The following ERBB4 variants were observed in gnomAD, a reference collection of about 807,000 sequenced individuals.
ERBB4 encodes the protein erb-b2 receptor tyrosine kinase 4, also known as receptor tyrosine-protein kinase erbB-4.
Under a neutral mutation model 158.0 loss-of-function variants are expected in ERBB4, and 42 were observed. The observed-to-expected ratio is 0.27, with a 90% CI of 0.21 to 0.34. ERBB4 has a LOEUF of 0.34. ERBB4 is among the 10% of genes least tolerant of loss of function. The probability of loss-of-function intolerance (pLI) is 1.00; values close to 1 mark genes in which losing one functional copy is unlikely to be tolerated. For synonymous variants in ERBB4, 583 were observed against 558.7 expected (o/e 1.04, Z -0.61); for missense variants, 1,333 against 1,624.1 (o/e 0.82, Z 3.08).
intron 1 of ERBB4, among the ~76,000 whole-genome samples, chr2:212,468,020 C>T (rs973554853): frequency 6.6e-6 from 1 of 152,156 alleles, no homozygotes; most frequent in Non-Finnish European, 1.5e-5. Context: ...TCTGGATATG[C>T]CTGGGTCCTG....
rs554314381 is a variant in ERBB4, at chr2:212,034,382, C to T, written c.235-86766G>A. On this transcript the variant is annotated intron_variant, in intron 2 of 27. Transcript: ENST00000342788. ...AAGTCAATATGGCTTTATTAGCTGA[C>T]ATTTTGTTAGTTTTCTCTATTTTCT... 4.3e-4 allele frequency among the ~76,000 whole-genome samples: 66 copies of T among 151,916 alleles called. 1 individual carries two copies. The Middle Eastern group carries it at 0.017, about 39-fold the overall frequency.
intron 4 of ERBB4, among the ~76,000 whole-genome samples, chr2:211,782,189 A>C (rs992865560): frequency 6.6e-6 from 1 of 152,076 alleles, no homozygotes; most frequent in East Asian, 1.9e-4. Flanking sequence ...TTCCAGGTTC[A>C]TAAAACTTTC....
chr2:212,268,434 G>T (rs1262365194), intron 1 of ERBB4, among the ~76,000 whole-genome samples: 1 of 151,814 alleles, frequency 6.6e-6, no homozygotes, highest in East Asian at 1.9e-4. Context: ...TGGGACACAT[G>T]ACTTAATATA....
Position 211,382,253 on chromosome 2 carries a change from TCCTTAC to T in ERBB4, c.*1356_*1361del. On this transcript the variant is annotated 3_prime_UTR_variant, in exon 28 of 28. Transcript: ENST00000342788. ...AGAAATTCCATGGAATTCAAGCCAA[TCCTTAC>T]TCGCATTCCTTCTTACGAAGTATAC... 4.3e-6 allele frequency: 1 copy of T among 231,840 alleles called. No homozygotes were observed. Among genetic ancestry groups the T allele is most frequent in the Non-Finnish European group, 8.5e-6 (1 of 117,170 alleles). The allele number at this position is 231,840 out of a possible 1,614,324, so 14.4% of individuals were successfully genotyped here. A position where few individuals can be genotyped will look rare whatever the true frequency, so the allele number is the denominator to read the frequency against.
chr2:211,624,188 G>A (rs2069748140), intron 17 of ERBB4, 144 bp from the exon 18 acceptor site: 4 of 859,708 alleles, frequency 4.7e-6, no homozygotes, highest in East Asian at 5.1e-5. Flanking sequence ...CAATACCTTC[G>A]TAATATGCAC....
chr2:212,157,224 C>T (rs1351202195), intron 1 of ERBB4, among the ~76,000 whole-genome samples: 1 of 152,064 alleles, frequency 6.6e-6, no homozygotes, highest in Non-Finnish European at 1.5e-5. Flanking sequence ...CACATGCTTT[C>T]CCTCTGACTA....
chr2:211,772,954 TA>T (rs200491219), intron 4 of ERBB4, among the ~76,000 whole-genome samples: 1,199 of 96,420 alleles, frequency 0.012, 168 homozygotes, highest in African/African-American at 0.058. Flanking sequence ...TATATATATA[TA>T]TTTTTTTTTT....
At chr2:211,800,567 A>G (rs1201380754) in intron 3 of ERBB4, among the ~76,000 whole-genome samples, 2 of 151,876 alleles carry the variant, frequency 1.3e-5, no homozygotes, top group African/African-American at 4.8e-5. Flanking sequence ...ACTCACAGTA[A>G]TTTCCCTGAA....
chr2:212,031,333 C>G (rs1341542288), intron 2 of ERBB4, among the ~76,000 whole-genome samples: 1 of 152,102 alleles, frequency 6.6e-6, no homozygotes, highest in African/African-American at 2.4e-5. Flanking sequence ...TTTTATATAT[C>G]AACCTGTCAT....
At chr2:212,346,859 T>G (rs17347397) in intron 1 of ERBB4, among the ~76,000 whole-genome samples, 19,700 of 152,104 alleles carry the variant, frequency 0.13, 1,767 homozygotes, top group Non-Finnish European at 0.19. Flanking sequence ...TTAATAGACC[T>G]CAAAATGACT....
At chr2:211,854,445 A>T (rs545137439) in intron 3 of ERBB4, among the ~76,000 whole-genome samples, 1 of 152,270 alleles carries the variant, frequency 6.6e-6, no homozygotes, top group Non-Finnish European at 1.5e-5. Flanking sequence ...GATATAAAAC[A>T]CAGTCAGTGC....
chr2:212,536,194 C>G (rs1693048748), intron 1 of ERBB4, among the ~76,000 whole-genome samples: 1 of 152,068 alleles, frequency 6.6e-6, no homozygotes, highest in African/African-American at 2.4e-5. Flanking sequence ...CACACAGCCA[C>G]ACACATACAT....
intron 1 of ERBB4, among the ~76,000 whole-genome samples, chr2:212,207,740 T>A (rs2082809460): frequency 1.3e-5 from 2 of 151,396 alleles, no homozygotes; most frequent in African/African-American, 4.9e-5. Context: ...GCAAGACACT[T>A]GAACTCTCTA....
intron 2 of ERBB4, among the ~76,000 whole-genome samples, chr2:211,986,733 T>A (rs897734884): frequency 6.6e-6 from 1 of 152,176 alleles, no homozygotes; most frequent in Non-Finnish European, 1.5e-5. Context: ...TAGGTAACAC[T>A]TGCAAGCATC....
At chr2:211,691,334 T>G (rs1252669407) in intron 12 of ERBB4, among the ~76,000 whole-genome samples, 2 of 152,170 alleles carry the variant, frequency 1.3e-5, no homozygotes, top group Non-Finnish European at 2.9e-5. Context: ...ATACAGGGTC[T>G]GAGACATTAA....
At chr2:212,149,026 G>C (rs7607301) in intron 1 of ERBB4, among the ~76,000 whole-genome samples, 1 of 80,574 alleles carries the variant, frequency 1.2e-5, no homozygotes, top group Non-Finnish European at 2.4e-5. Flanking sequence ...GGGGTGGGGG[G>C]AGGGGGGAGG....
intron 2 of ERBB4, among the ~76,000 whole-genome samples, chr2:212,105,381 A>G (rs760328442): frequency 1.3e-5 from 2 of 152,208 alleles, no homozygotes; most frequent in Admixed American, 6.5e-5. Flanking sequence ...TTATGATTAT[A>G]TAAGAAGAAA....
chr2:211,461,047 A>C (rs2064516665), intron 20 of ERBB4, among the ~76,000 whole-genome samples: 1 of 151,546 alleles, frequency 6.6e-6, no homozygotes, highest in African/African-American at 2.4e-5. Flanking sequence ...GACAGCTAGC[A>C]CTCATTTTTC....
chr2:211,480,937 G>A (rs1211193535), intron 20 of ERBB4, among the ~76,000 whole-genome samples: 1 of 152,098 alleles, frequency 6.6e-6, no homozygotes, highest in African/African-American at 2.4e-5. Flanking sequence ...CATTACAACT[G>A]AAATATATTT....
Sources: allele counts gnomAD v4.1 joint callset (sites outside exome capture counted in the v4.1 genomes callset), GRCh38; gene constraint gnomAD v4.1.1; transcripts MANE v1.5; gene names NCBI Gene and HGNC (gene_info 2026-07-23, HGNC 2026-07-21).